Variants in MKLN1 observed in about 807,000 individuals in gnomAD.
The protein encoded by MKLN1 is muskelin.
In MKLN1, 18 loss-of-function variants were observed where a neutral mutation model predicts 99.0. The ratio of observed to expected loss-of-function variants is 0.18; its 90% confidence interval spans 0.13 to 0.27. The LOEUF is 0.27. Among genes scored for constraint, MKLN1 ranks in the 10% least tolerant of loss-of-function variants. MKLN1 has a pLI of 1.00. For missense variants in MKLN1, 621 were observed against 875.9 expected (o/e 0.71, Z 3.67); for synonymous variants, 288 against 293.2 (o/e 0.98, Z 0.18).
chr7:131,144,284 C>A (rs918369087), intron 2 of MKLN1, among the ~76,000 whole-genome samples: 1 of 151,122 alleles, frequency 6.6e-6, no homozygotes, highest in Non-Finnish European at 1.5e-5. Context: ...GTCAGGAGAT[C>A]GAGACCATCC....
chr7:131,388,296 C>G (rs1424434325), intron 3 of MKLN1, among the ~76,000 whole-genome samples: 2 of 152,090 alleles, frequency 1.3e-5, no homozygotes, highest in African/African-American at 4.8e-5. Flanking sequence ...GTAAAGCAAC[C>G]TGAGGGTGAG....
chr7:131,177,117 CCCTACACAATCTTTTA>C (rs1796310109), intron 2 of MKLN1, among the ~76,000 whole-genome samples: 2 of 152,176 alleles, frequency 1.3e-5, no homozygotes, highest in Non-Finnish European at 2.9e-5. Flanking sequence ...TTCTTTTGTA[CCCTACACAATCTTTTA>C]TGGCCACATA....
At position 131,265,776 on chromosome 7, in the gene MKLN1, C is replaced by G. The variant is rs1489129388; in HGVS notation, c.-179+62802C>G. Among the ~76,000 whole-genome samples the G allele has an allele frequency of 2.0e-5, 3 of 152,144 alleles. No individual in the cohort carries two copies. The South Asian group carries it at 6.2e-4, about 32-fold the overall frequency. On this transcript the variant is annotated intron_variant, in intron 3 of 7. Coordinates refer to the MKLN1 transcript ENST00000416992. ...TATTGTATATTTACCCTCAATAAAG[C>G]CTGACCAAGTTAACTAAAATAATGG...
At chr7:131,219,271 G>T (rs962329946) in intron 3 of MKLN1, among the ~76,000 whole-genome samples, 2 of 151,954 alleles carry the variant, frequency 1.3e-5, no homozygotes, top group African/African-American at 4.8e-5. Flanking sequence ...GAGGGCAGAG[G>T]CATTTCTAAC....
intron 16 of MKLN1, among the ~76,000 whole-genome samples, chr7:131,474,796 C>T (rs1796921655): frequency 6.6e-6 from 1 of 152,140 alleles, no homozygotes; most frequent in Non-Finnish European, 1.5e-5. Context: ...TAAAGAACTA[C>T]CTGAGACTGG....
chr7:131,431,768 C>T (rs1471024976), intron 9 of MKLN1, among the ~76,000 whole-genome samples: 15 of 152,254 alleles, frequency 9.9e-5, no homozygotes, highest in Admixed American at 9.2e-4. Flanking sequence ...AGTAAAAACT[C>T]GAAATTTCTC....
At chr7:131,253,870 T>C (rs1280994175) in intron 3 of MKLN1, among the ~76,000 whole-genome samples, 1 of 152,204 alleles carries the variant, frequency 6.6e-6, no homozygotes, top group East Asian at 1.9e-4. Context: ...AGCTAAACTG[T>C]AGGCTGATTG....
chr7:131,154,574 T>G (rs928444241), intron 2 of MKLN1, among the ~76,000 whole-genome samples: 1 of 152,158 alleles, frequency 6.6e-6, no homozygotes, highest in African/African-American at 2.4e-5. Context: ...GGTCCTCTGT[T>G]CACTGAAAAA....
intron 2 of MKLN1, among the ~76,000 whole-genome samples, chr7:131,379,753 G>T (rs116368014): frequency 6.6e-6 from 1 of 152,252 alleles, no homozygotes; most frequent in African/African-American, 2.4e-5. Context: ...GAGGTTAGGG[G>T]TACCCCATTC....
chr7:131,184,778 T>C (rs1156808864), intron 2 of MKLN1, among the ~76,000 whole-genome samples: 1 of 152,248 alleles, frequency 6.6e-6, no homozygotes, highest in African/African-American at 2.4e-5. Context: ...CTGCCCGCCT[T>C]GGCCTCCAAA....
At chr7:131,444,222 T>C (rs1013855649) in intron 11 of MKLN1, among the ~76,000 whole-genome samples, 1 of 151,788 alleles carries the variant, frequency 6.6e-6, no homozygotes, top group Non-Finnish European at 1.5e-5. Context: ...TGGTGACCTG[T>C]GCCTGTAGTC....
chr7:131,278,261 C>G (rs1244010321), intron 3 of MKLN1, among the ~76,000 whole-genome samples: 1 of 152,066 alleles, frequency 6.6e-6, no homozygotes, highest in East Asian at 1.9e-4. Context: ...TGGTCTGGAA[C>G]TCATGAGCTC....
intron 3 of MKLN1, among the ~76,000 whole-genome samples, chr7:131,229,144 G>A (rs1797201834): frequency 1.4e-5 from 2 of 144,606 alleles, no homozygotes; most frequent in Admixed American, 7.1e-5. Context: ...TTAAGCCGTA[G>A]GTGGGTTTTA....
chr7:131,440,152 CAT>C (rs1795797362), intron 10 of MKLN1, among the ~76,000 whole-genome samples: 1 of 152,148 alleles, frequency 6.6e-6, no homozygotes, highest in Non-Finnish European at 1.5e-5. Context: ...AGTGAATTAA[CAT>C]GTGTAAAGTA....
At chr7:131,355,505 A>G (rs1335456102) in intron 1 of MKLN1, among the ~76,000 whole-genome samples, 1 of 151,536 alleles carries the variant, frequency 6.6e-6, no homozygotes, top group Non-Finnish European at 1.5e-5. Context: ...GGTTTTGCAC[A>G]TTTTTCTAAG....
At chr7:131,127,018 A>G (rs1354743201) in intron 1 of MKLN1, among the ~76,000 whole-genome samples, 1 of 152,082 alleles carries the variant, frequency 6.6e-6, no homozygotes, top group Non-Finnish European at 1.5e-5. Flanking sequence ...ATACAAAATT[A>G]GCCATGTGTG....
Position 131,272,131 on chromosome 7 carries a change from G to A in MKLN1, c.-179+69157G>A, listed in dbSNP as rs1176715652. ...CTTCCTGGCTGCCAGCTCTGGAAGCGAAGGCCTCTGAAGCTGAGAGGCTGG... is the reference window on the plus strand; with the variant it reads ...CTTCCTGGCTGCCAGCTCTGGAAGCAAAGGCCTCTGAAGCTGAGAGGCTGG... On this transcript the variant is annotated intron_variant, in intron 3 of 7. Coordinates refer to the MKLN1 transcript ENST00000416992. Among the ~76,000 whole-genome samples, 6 of 152,140 alleles carry A rather than the reference G, an allele frequency of 3.9e-5. No individual in the cohort carries two copies. The East Asian group carries it at 7.7e-4, about 20-fold the overall frequency.
intron 3 of MKLN1, among the ~76,000 whole-genome samples, chr7:131,300,971 T>A (rs945270621): frequency 3.9e-5 from 6 of 152,214 alleles, no homozygotes; most frequent in African/African-American, 1.4e-4. Context: ...GGAGGTGAGC[T>A]CAGCTGTCAG....
chr7:131,197,620 T>C (rs953394241), intron 2 of MKLN1, among the ~76,000 whole-genome samples: 4 of 151,862 alleles, frequency 2.6e-5, no homozygotes, highest in Non-Finnish European at 5.9e-5. Context: ...TGCTCTCTTC[T>C]AGAGCATGCC....
Sources: allele counts gnomAD v4.1 joint callset (sites outside exome capture counted in the v4.1 genomes callset), GRCh38; gene constraint gnomAD v4.1.1; transcripts MANE v1.5; gene names NCBI Gene and HGNC (gene_info 2026-07-23, HGNC 2026-07-21).